Variants in CIMAP2 observed in about 807,000 individuals in gnomAD.
The protein encoded by CIMAP2 is ciliary microtubule associated protein 2.
the CIMAP2 span, among the ~76,000 whole-genome samples, chr1:54,819,949 TTC>T: frequency 5.7e-5 from 7 of 122,556 alleles, no homozygotes; most frequent in Admixed American, 1.7e-4. Flanking sequence ...CTTTCTGTCC[TTC>T]TTTCTTTCTC....
the CIMAP2 span, among the ~76,000 whole-genome samples, chr1:54,820,764 C>T: frequency 2.0e-5 from 3 of 151,238 alleles, no homozygotes; most frequent in Admixed American, 6.6e-5. Flanking sequence ...TGTCCTTTGC[C>T]CACTTTTTTT....
chr1:54,806,706 G>C, the CIMAP2 span, among the ~76,000 whole-genome samples: 1 of 150,486 alleles, frequency 6.6e-6, no homozygotes, highest in East Asian at 2.0e-4. Flanking sequence ...GCTCTCTTCT[G>C]TGGGGGGTGG....
At chr1:54,818,281 T>G in the CIMAP2 span, among the ~76,000 whole-genome samples, 10 of 152,354 alleles carry the variant, frequency 6.6e-5, no homozygotes, top group African/African-American at 2.4e-4. Flanking sequence ...GAGTTTTGTC[T>G]TTGACGATTT....
chr1:54,832,261 G>A, the CIMAP2 span, among the ~76,000 whole-genome samples: 2 of 152,138 alleles, frequency 1.3e-5, no homozygotes, highest in African/African-American at 4.8e-5. Context: ...ATAATTATTT[G>A]GAGGATTTGA....
At chr1:54,825,085 T>G in the CIMAP2 span, among the ~76,000 whole-genome samples, 1 of 141,986 alleles carries the variant, frequency 7.0e-6, no homozygotes, top group Non-Finnish European at 1.5e-5. Flanking sequence ...AGTCTCGCTC[T>G]GTCACCCAGG....
At chr1:54,834,169 G>C in the CIMAP2 span, among the ~76,000 whole-genome samples, 2 of 152,114 alleles carry the variant, frequency 1.3e-5, no homozygotes, top group African/African-American at 4.8e-5. Flanking sequence ...CTTCCCCACA[G>C]TTTTTGTTTG....
At chr1:54,835,867 C>T in the CIMAP2 span, among the ~76,000 whole-genome samples, 207 of 152,152 alleles carry the variant, frequency 1.4e-3, 1 homozygote, top group African/African-American at 4.5e-3. Flanking sequence ...CTCTTTCCCC[C>T]GAAGCTTTCT....
At chr1:54,809,092 T>C in the CIMAP2 span, among the ~76,000 whole-genome samples, 1 of 89,840 alleles carries the variant, frequency 1.1e-5, no homozygotes, top group South Asian at 3.7e-4. Flanking sequence ...ACGCAATAAG[T>C]ATTTGTGGAC....
the CIMAP2 span, among the ~76,000 whole-genome samples, chr1:54,809,697 C>T: frequency 6.6e-6 from 1 of 152,064 alleles, no homozygotes; most frequent in Non-Finnish European, 1.5e-5. Context: ...TTGGACTTTG[C>T]TCCCTGAGTC....
chr1:54,841,357 C>T, the CIMAP2 span, among the ~76,000 whole-genome samples: 2 of 152,126 alleles, frequency 1.3e-5, no homozygotes, highest in Non-Finnish European at 1.5e-5. Context: ...GTTGAGTCCT[C>T]AGGGTTTCCA....
the CIMAP2 span, among the ~76,000 whole-genome samples, chr1:54,822,720 G>A: frequency 4.6e-5 from 7 of 152,108 alleles, no homozygotes; most frequent in Non-Finnish European, 7.4e-5. Flanking sequence ...TTCCCAGGCT[G>A]ATCTTGAACT....
the CIMAP2 span, chr1:54,811,765 G>GCCGGGGGGGGGGCCCC: frequency 1.2e-5 from 15 of 1,301,300 alleles, no homozygotes; most frequent in East Asian, 5.0e-5. Context: ...GGTTCTGACA[G>GCCGGGGGGGGGGCCCC]CCTCCATGCC....
the CIMAP2 span, among the ~76,000 whole-genome samples, chr1:54,840,589 C>T: frequency 1.3e-5 from 2 of 152,168 alleles, no homozygotes; most frequent in African/African-American, 4.8e-5. Flanking sequence ...GTCCATTTTG[C>T]ACTCCCACCA....
At chr1:54,835,020 C>T in the CIMAP2 span, among the ~76,000 whole-genome samples, 50 of 152,316 alleles carry the variant, frequency 3.3e-4, no homozygotes, top group African/African-American at 1.2e-3. Context: ...AGTATACCTT[C>T]TCCTAAATGC....
chr1:54,831,946 G>C, the CIMAP2 span, among the ~76,000 whole-genome samples: 2 of 152,234 alleles, frequency 1.3e-5, no homozygotes, highest in South Asian at 4.1e-4. Context: ...TCCCGGCCTC[G>C]AGCAATCCTC....
the CIMAP2 span, chr1:54,807,583 C>G: frequency 1.2e-6 from 2 of 1,605,246 alleles, no homozygotes; most frequent in Non-Finnish European, 1.7e-6. Flanking sequence ...CAAGAAGAAG[C>G]TGATGAAGGA....
chr1:54,833,192 C>T, the CIMAP2 span, among the ~76,000 whole-genome samples: 5 of 152,042 alleles, frequency 3.3e-5, no homozygotes, highest in South Asian at 2.1e-4. Flanking sequence ...TAAAGCAATG[C>T]GAAGGGTGAC....
At chr1:54,829,299 C>T in the CIMAP2 span, among the ~76,000 whole-genome samples, 3 of 152,184 alleles carry the variant, frequency 2.0e-5, no homozygotes, top group East Asian at 5.8e-4. Flanking sequence ...TCTGTAAAAA[C>T]AGAAGAATTT....
At chr1:54,841,945 C>A in the CIMAP2 span, 1 of 1,434,838 alleles carries the variant, frequency 7.0e-7, no homozygotes. Context: ...GGGGTGACAG[C>A]ATGGGCATGG....
Sources: allele counts gnomAD v4.1 joint callset (sites outside exome capture counted in the v4.1 genomes callset), GRCh38; gene constraint gnomAD v4.1.1; transcripts MANE v1.5; gene names NCBI Gene and HGNC (gene_info 2026-07-23, HGNC 2026-07-21).